The following ANKRD36B variants were observed in gnomAD, a reference collection of about 807,000 sequenced individuals.
ANKRD36B encodes ankyrin repeat domain 36B.
ANKRD36B carries 37 observed loss-of-function variants against 135.7 expected under a neutral mutation model. The observed-to-expected ratio is 0.27, with a 90% CI of 0.21 to 0.36. ANKRD36B has a LOEUF of 0.36. Among genes scored for constraint, ANKRD36B ranks in the 10% least tolerant of loss-of-function variants. ANKRD36B has a pLI of 1.00. For synonymous variants in ANKRD36B, 179 were observed against 348.1 expected (o/e 0.51, Z 5.41); for missense variants, 549 against 1,037.1 (o/e 0.53, Z 6.46).
Position 97,541,070 on chromosome 2 carries a change from T to C in ANKRD36B, c.1885+841A>G, listed in dbSNP as rs562608867. Among the ~76,000 whole-genome samples the C allele has an allele frequency of 2.1e-4, 20 of 97,226 alleles. 4 individuals are homozygous for C. In the South Asian group the frequency reaches 4.7e-3, roughly 23 times the overall value. 63.8% of individuals were successfully genotyped at this position (97,226 alleles called of 152,430 possible). On this transcript the variant is annotated intron_variant, in intron 28 of 43. Coordinates refer to ENST00000359901, the MANE Select transcript of ANKRD36B (RefSeq NM_001393939.1). ...TAATTAGAATTCCACATACTTTTTG[T>C]TTCTAAAATAGTCTTGTTGGGAGTA...
At position 97,561,230 on chromosome 2, in the gene ANKRD36B, C is replaced by T. The variant is rs187092846; in HGVS notation, c.764-370G>A. On this transcript the variant is annotated intron_variant, in intron 6 of 43. Coordinates refer to ENST00000359901, the MANE Select transcript of ANKRD36B (RefSeq NM_001393939.1). ...TCAGCGTCAAAGCAGGTGATACATG[C>T]ACCCACATGTCTTTCATGCAAGATA... is the stretch of plus-strand genomic sequence containing the variant. 8.9e-3 allele frequency among the ~76,000 whole-genome samples: 1,358 copies of T among 152,014 alleles called. 31 individuals carry two copies. The highest frequency in any genetic ancestry group is 0.031 in the African/African-American group (1,284 of 41,524).
intron 6 of ANKRD36B, among the ~76,000 whole-genome samples, chr2:97,565,566 G>C (rs1577036354): frequency 6.7e-6 from 1 of 149,780 alleles, no homozygotes; most frequent in African/African-American, 2.4e-5. Context: ...CTTCTCAAAA[G>C]AATACATTTA....
At chr2:97,539,941 G>T in intron 30 of ANKRD36B, 93 bp downstream of exon 30, 1 of 562,638 alleles carries the variant, frequency 1.8e-6, no homozygotes, top group Non-Finnish European at 3.1e-6. Flanking sequence ...GGAATGTGCA[G>T]CTGCGACGAA....
intron 16 of ANKRD36B, among the ~76,000 whole-genome samples, chr2:97,551,836 C>T (rs2080097183): frequency 6.6e-6 from 1 of 151,968 alleles, no homozygotes; most frequent in African/African-American, 2.4e-5. Context: ...GCAGGTGCTA[C>T]ATGATCCCAC....
rs1189821472 is a variant in ANKRD36B at position 97,536,018 on chromosome 2, T to C, written c.2191+282A>G. ...AGGTGGAGGTTGTGGTGAGCTACAA[T>C]TGAGCCATTGCACTCCAGCCTGGGC... is the stretch of plus-strand genomic sequence containing the variant. On this transcript the variant is annotated intron_variant, in intron 34 of 43. Coordinates refer to ENST00000359901, the MANE Select transcript of ANKRD36B (RefSeq NM_001393939.1). Among the ~76,000 whole-genome samples the C allele has an allele frequency of 7.4e-5, 7 of 94,630 alleles. 3 individuals carry two copies. The highest frequency in any genetic ancestry group is 1.9e-4 in the Admixed American group (2 of 10,596). 62.1% of individuals were successfully genotyped at this position (94,630 alleles called of 152,430 possible). A position where few individuals can be genotyped will look rare whatever the true frequency, so the allele number is the denominator to read the frequency against.
chr2:97,531,146 G>A lies in ANKRD36B; in HGVS notation c.2265+1165C>T, dbSNP rs1236477565. On this transcript the variant is annotated intron_variant, in intron 35 of 43. Transcript: ENST00000359901. Reference sequence around the variant, plus strand: ...GCACTATTCACAATAGCAAAGACTTGGAACCAACCCAAATGTCCAACAATG... The same window carrying A: ...GCACTATTCACAATAGCAAAGACTTAGAACCAACCCAAATGTCCAACAATG... Among the ~76,000 whole-genome samples, 7 of 91,142 alleles carry A rather than the reference G, an allele frequency of 7.7e-5. 1 individual carries two copies. The South Asian group carries it at 1.7e-3, about 22-fold the overall frequency. The allele number at this position is 91,142 out of a possible 152,430, so 59.8% of individuals were successfully genotyped here.
At chr2:97,529,128 A>G (rs1338950764) in intron 35 of ANKRD36B, among the ~76,000 whole-genome samples, 2 of 96,348 alleles carry the variant, frequency 2.1e-5, no homozygotes, top group African/African-American at 6.2e-5. Context: ...CAATATCCTT[A>G]GTGAACATTG....
intron 34 of ANKRD36B, among the ~76,000 whole-genome samples, chr2:97,533,940 C>T (rs2104475016): frequency 1.1e-5 from 1 of 93,720 alleles, no homozygotes; most frequent in South Asian, 2.4e-4. Flanking sequence ...CCTGTAATCC[C>T]AGCTACTCAG....
At chr2:97,567,374 C>T (rs1203192920) in intron 6 of ANKRD36B, among the ~76,000 whole-genome samples, 1 of 150,972 alleles carries the variant, frequency 6.6e-6, no homozygotes, top group Non-Finnish European at 1.5e-5. Context: ...GCCCCTCTCA[C>T]ATCCCAGGAG....
intron 6 of ANKRD36B, among the ~76,000 whole-genome samples, chr2:97,568,227 G>C (rs2595342): frequency 2.0e-5 from 3 of 151,970 alleles, no homozygotes; most frequent in Non-Finnish European, 4.4e-5. Flanking sequence ...GTCTTGAAAT[G>C]TATCCCCCAT....
At chr2:97,587,157 G>A (rs1199570317) in intron 1 of ANKRD36B, among the ~76,000 whole-genome samples, 1 of 151,944 alleles carries the variant, frequency 6.6e-6, no homozygotes, top group African/African-American at 2.4e-5. Flanking sequence ...TGGGCGACAG[G>A]GTGAGACTCC....
intron 16 of ANKRD36B, among the ~76,000 whole-genome samples, chr2:97,552,040 A>G (rs2080115445): frequency 6.6e-6 from 1 of 152,080 alleles, no homozygotes; most frequent in Middle Eastern, 3.4e-3. Context: ...TACCTAGTAG[A>G]TAATATTCAT....
rs2078970617 is a variant in ANKRD36B at position 97,537,920 on chromosome 2, T to C, written c.2089+248A>G. Among the ~76,000 whole-genome samples, 2 of 96,748 alleles carry C rather than the reference T, an allele frequency of 2.1e-5. 1 individual carries two copies. The highest frequency in any genetic ancestry group is 6.2e-5 in the African/African-American group (2 of 32,252). The allele number at this position is 96,748 out of a possible 152,430, so 63.5% of individuals were successfully genotyped here. On this transcript the variant is annotated intron_variant, in intron 32 of 43. Transcript: ENST00000359901. ...TCCCCGGATCCTCTTATCTCTTATG[T>C]CTTGAACTGTTTTCCAACGGTTCTT...
At chr2:97,586,420 A>C (rs1488667665) in intron 1 of ANKRD36B, among the ~76,000 whole-genome samples, 1 of 142,616 alleles carries the variant, frequency 7.0e-6, no homozygotes, top group East Asian at 2.0e-4. Flanking sequence ...AAAAAAAAGG[A>C]ATAAAAGATC....
rs539482176 is a variant in ANKRD36B at position 97,574,509 on chromosome 2, T to C, written c.763+1870A>G. Among the ~76,000 whole-genome samples the C allele has an allele frequency of 7.2e-5, 11 of 152,142 alleles. No homozygotes were observed. The East Asian group carries it at 1.7e-3, about 24-fold the overall frequency. On this transcript the variant is annotated intron_variant, in intron 6 of 43. Transcript: ENST00000359901. The stretch of plus-strand genomic sequence containing the variant: ...TTCCTCAGGGATCTAGAACTAGAAA[T>C]AGCATTTGACCCAGCCATCCCGTTA...
At chr2:97,554,680 G>A (rs79048086) in intron 14 of ANKRD36B, among the ~76,000 whole-genome samples, 2 of 151,928 alleles carry the variant, frequency 1.3e-5, no homozygotes, top group African/African-American at 4.8e-5. Context: ...ATTACGATCA[G>A]TTTTCCGTCT....
intron 5 of ANKRD36B, among the ~76,000 whole-genome samples, chr2:97,577,036 G>C (rs1256358885): frequency 6.6e-6 from 1 of 151,914 alleles, no homozygotes; most frequent in African/African-American, 2.4e-5. Context: ...TTATAATTCA[G>C]TGTATCTCAA....
Position 97,549,660 on chromosome 2 carries a change from A to G in ANKRD36B, c.1376-46T>C, listed in dbSNP as rs758142805. Reference sequence around the variant, plus strand: ...ATAATCACTCATATGTAAATATGACAAAGATATCCACACATTCATGCAGTG... The same window carrying G: ...ATAATCACTCATATGTAAATATGACGAAGATATCCACACATTCATGCAGTG... On this transcript the variant is annotated intron_variant, in intron 18 of 43. Transcript: ENST00000359901. 3 of 1,604,934 alleles carry G rather than the reference A, an allele frequency of 1.9e-6. No individual in the cohort carries two copies. In the East Asian group the frequency reaches 6.7e-5, roughly 36 times the overall value.
At chr2:97,547,036 T>C (rs1234822363) in intron 22 of ANKRD36B, among the ~76,000 whole-genome samples, 4 of 151,570 alleles carry the variant, frequency 2.6e-5, no homozygotes, top group African/African-American at 9.7e-5. Context: ...AACCAGAAAA[T>C]TATATAAAAG....
Sources: allele counts gnomAD v4.1 joint callset (sites outside exome capture counted in the v4.1 genomes callset), GRCh38; gene constraint gnomAD v4.1.1; transcripts MANE v1.5; gene names NCBI Gene and HGNC (gene_info 2026-07-23, HGNC 2026-07-21).